The following ADCY7 variants were observed in gnomAD, a reference collection of about 807,000 sequenced individuals.
ADCY7 encodes adenylate cyclase 7.
Under a neutral mutation model 120.6 loss-of-function variants are expected in ADCY7, and 72 were observed. The observed-to-expected ratio is 0.60, with a 90% CI of 0.49 to 0.73. The LOEUF is 0.73. ADCY7 is among the 30% of genes least tolerant of loss of function. The pLI is 0.00. For synonymous variants in ADCY7, 661 were observed against 628.0 expected, an observed-to-expected ratio of 1.05 and a Z score of -0.78; for missense variants, 1,227 against 1,486.0, an observed-to-expected ratio of 0.83 and a Z score of 2.87.
rs753748050 is a variant in ADCY7, at chr16:50,314,273, C to T, written c.2857-19C>T. On this transcript the variant is annotated intron_variant, in intron 23 of 25. Transcript: ENST00000673801. ...GGGCTCTGGAGATGCAAGGATCTGA[C>T]CCACAGCCTGTCCCGCAGGAGCTGG... 2.8e-5 allele frequency: 45 copies of T among 1,610,566 alleles called. No homozygotes were observed. The highest frequency in any genetic ancestry group is 3.8e-5 in the Non-Finnish European group (45 of 1,177,082).
In ADCY7 at chr16:50,308,427, TGGCCCCGCGGGCCCTCCC is replaced by T. The variant is rs2036225177; in HGVS notation, c.1935+17_1935+34del. ...CAAGTTCTCGGTAAGTGGGGAGCTC[TGGCCCCGCGGGCCCTCCC>T]TCCCTGCCTCAGGACACCTGCCTAG... is the stretch of plus-strand genomic sequence containing the variant. On this transcript the variant is annotated intron_variant, in intron 16 of 25. Transcript: ENST00000673801. 1 of 1,613,892 alleles carries T rather than the reference TGGCCCCGCGGGCCCTCCC, an allele frequency of 6.2e-7. No homozygotes were observed. The highest frequency in any genetic ancestry group is 8.5e-7 in the Non-Finnish European group (1 of 1,180,020).
Position 50,300,948 on chromosome 16 carries a change from TG to T in ADCY7, c.1235+80del. ...GGATGGAGGGTTCTGCGGTTGGGGGTGGGGGTCAGGTGTGGAGGGAGAGATG... is the reference window on the plus strand; with the variant it reads ...GGATGGAGGGTTCTGCGGTTGGGGGTGGGGTCAGGTGTGGAGGGAGAGATG... On this transcript the variant is annotated intron_variant, in intron 9 of 25. Transcript: ENST00000673801. 1.3e-6 allele frequency: 2 copies of T among 1,530,416 alleles called. 1 individual carries two copies. The allele number at this position is 1,530,416 out of a possible 1,614,324, so 94.8% of individuals were successfully genotyped here. A position where few individuals can be genotyped will look rare whatever the true frequency, so the allele number is the denominator to read the frequency against.
chr16:50,282,531 C>T (rs2034336582), intron 1 of ADCY7, among the ~76,000 whole-genome samples: 1 of 152,156 alleles, frequency 6.6e-6, no homozygotes, highest in African/African-American at 2.4e-5. Context: ...CCTGAACTTG[C>T]TCCTGCAAGG....
chr16:50,304,559 C>T lies in ADCY7; in HGVS notation c.1560+8C>T. 6.6e-7 allele frequency: 1 copy of T among 1,523,706 alleles called. No homozygotes were observed. Among genetic ancestry groups the T allele is most frequent in the Non-Finnish European group, 8.8e-7 (1 of 1,134,424 alleles). 94.4% of individuals were successfully genotyped at this position (1,523,706 alleles called of 1,614,324 possible). ...AACGGGCGGAGGCCTAAGGTAGGTC[C>T]CCCTCCCACCCAGAAAGCCAGGGAT... On this transcript the variant is annotated splice_region_variant and intron_variant, in intron 11 of 25. Transcript: ENST00000673801.
chr16:50,313,457 G>A (rs1393551591), intron 22 of ADCY7: 3 of 184,056 alleles, frequency 1.6e-5, no homozygotes, highest in Non-Finnish European at 2.3e-5. Context: ...GACGTGGCCC[G>A]CCTGGGGGGA....
chr16:50,298,004 C>A (rs867507464), intron 7 of ADCY7, among the ~76,000 whole-genome samples: 2 of 151,988 alleles, frequency 1.3e-5, no homozygotes, highest in Non-Finnish European at 2.9e-5. Context: ...GGTGACGCAG[C>A]AGTGCCTCAG....
chr16:50,314,959 G>A, intron 24 of ADCY7, 55 bp from the exon 25 acceptor site: 3 of 1,606,128 alleles, frequency 1.9e-6, no homozygotes, highest in African/African-American at 2.7e-5. Flanking sequence ...TCCTCTAAGG[G>A]CAGAAGCTTG....
rs1287151424 is a variant in ADCY7, at chr16:50,290,525, T to C, written c.240T>C (p.Ser80=). 2.5e-6 allele frequency: 4 copies of C among 1,614,248 alleles called. No individual in the cohort carries two copies. Among genetic ancestry groups the C allele is most frequent in the Non-Finnish European group, 3.4e-6 (4 of 1,180,052 alleles). Residue 80 remains serine, a synonymous_variant, in exon 3 of 26, where the codon TCT becomes TCC. Coordinates refer to ENST00000673801, the MANE Select transcript of ADCY7 (RefSeq NM_001114.5). ...TGCTGGCGGTGTTTGCGGCCCTCTCTGTGCTGATGTACGTCGAGTGTCTCC... is the reference window on the plus strand; with the variant it reads ...TGCTGGCGGTGTTTGCGGCCCTCTCCGTGCTGATGTACGTCGAGTGTCTCC... The part of the protein sequence containing the change: ...FLVLAVFAAL[S]VLMYVECLLR...
At chr16:50,306,866 C>T (rs1198740557) in intron 14 of ADCY7, among the ~76,000 whole-genome samples, 184 bp from the exon 15 acceptor site, 1 of 152,184 alleles carries the variant, frequency 6.6e-6, no homozygotes, top group Non-Finnish European at 1.5e-5. Flanking sequence ...CACTATGTTG[C>T]CCAGGCTGGT....
At chr16:50,264,413 A>C (rs2033135324), upstream of ADCY7, among the ~76,000 whole-genome samples, 1 of 152,218 alleles carries the variant, frequency 6.6e-6, no homozygotes, top group Non-Finnish European at 1.5e-5. Flanking sequence ...GTTAGGATGA[A>C]AGCTTCTCTG....
At position 50,315,543 on chromosome 16, in the gene ADCY7, T is replaced by C; in HGVS notation, c.*38T>C. The C allele has an allele frequency of 6.3e-7, 1 of 1,592,668 alleles. No individual in the cohort carries two copies. Among genetic ancestry groups the C allele is most frequent in the Non-Finnish European group, 8.6e-7 (1 of 1,162,504 alleles). ...GATTCCGAAAAGGCCGGGAAGCCAG[T>C]CTCCTTCCCTGAAGCAAGCCCAGGA... is the stretch of plus-strand genomic sequence containing the variant. On this transcript the variant is annotated 3_prime_UTR_variant, in exon 26 of 26. Transcript: ENST00000673801.
At chr16:50,266,175 G>A (rs932847431), upstream of ADCY7, among the ~76,000 whole-genome samples, 5 of 152,338 alleles carry the variant, frequency 3.3e-5, no homozygotes, top group African/African-American at 1.2e-4. Context: ...GAAGGCGCGG[G>A]GGGCCTGTCT....
At chr16:50,315,162 T>C (rs780803698) in intron 25 of ADCY7, 24 bp downstream of exon 25, 8 of 1,613,084 alleles carry the variant, frequency 5.0e-6, no homozygotes, top group South Asian at 3.3e-5. Context: ...GGGGAAGCAG[T>C]TGACTAAGGG....
At chr16:50,283,628 G>A (rs1484409139) in intron 1 of ADCY7, among the ~76,000 whole-genome samples, 1 of 152,230 alleles carries the variant, frequency 6.6e-6, no homozygotes. Flanking sequence ...CTTCCCCACA[G>A]GGGAGTCCCC....
chr16:50,306,349 C>T (rs2036066870), intron 14 of ADCY7, among the ~76,000 whole-genome samples: 1 of 152,212 alleles, frequency 6.6e-6, no homozygotes. Context: ...TGCTATACCA[C>T]TTCACAGAGA....
In ADCY7 at chr16:50,311,769, C is replaced by T; in HGVS notation, c.2431C>T (p.Leu811Phe). Residue 811 changes from leucine to phenylalanine, a missense_variant, in exon 20 of 26, where the codon CTT becomes TTT. Physicochemically the swap from Leu to Phe is conservative, Grantham distance 22 (BLOSUM62 0). This residue lies in a region of ADCY7 where 267 missense variants were observed against 270.0 expected (regional missense o/e 0.99). Transcript: ENST00000673801. ...CCTGGTCCTGTTCTACATCACCCTG[C>T]TTACACTCTCCAGACAGGTAAGGAG... ...FYLVLFYITLLTLSRQIDYYC... is the reference protein window; with the variant it reads ...FYLVLFYITLFTLSRQIDYYC... 6.6e-7 allele frequency: 1 copy of T among 1,509,494 alleles called. No individual in the cohort carries two copies. Among genetic ancestry groups the T allele is most frequent in the Non-Finnish European group, 9.1e-7 (1 of 1,104,788 alleles). The allele number at this position is 1,509,494 out of a possible 1,614,324, so 93.5% of individuals were successfully genotyped here. A position where few individuals can be genotyped will look rare whatever the true frequency, so the allele number is the denominator to read the frequency against.
Position 50,301,109 on chromosome 16 carries a change from A to G in ADCY7, c.1263A>G (p.Leu421=). The G allele has an allele frequency of 3.7e-6, 6 of 1,613,922 alleles. No individual in the cohort carries two copies. Among genetic ancestry groups the G allele is most frequent in the Non-Finnish European group, 5.1e-6 (6 of 1,179,928 alleles). ...PGRVHITEAT[L]KHLDKAYEVE... is the part of the protein sequence containing the mutation. ...GGGTGCACATCACGGAGGCCACGCT[A>G]AAGCACCTGGACAAGGCGTACGAGG... The change falls in exon 10 of 26, where the codon CTA becomes CTG. Residue 421 remains leucine, a synonymous_variant. Coordinates refer to ENST00000673801, the MANE Select transcript of ADCY7 (RefSeq NM_001114.5).
At chr16:50,313,460 TG>T (rs1453977903) in intron 22 of ADCY7, 1 of 185,168 alleles carries the variant, frequency 5.4e-6, no homozygotes, top group South Asian at 1.2e-4. Flanking sequence ...GTGGCCCGCC[TG>T]GGGGGAACAT....
At chr16:50,279,884 C>T (rs183403604) in intron 1 of ADCY7, among the ~76,000 whole-genome samples, 3 of 152,228 alleles carry the variant, frequency 2.0e-5, no homozygotes, top group East Asian at 3.9e-4. Flanking sequence ...ATTTCAGGAA[C>T]AAAGAACACT....
Sources: allele counts gnomAD v4.1 joint callset (sites outside exome capture counted in the v4.1 genomes callset), GRCh38; gene constraint gnomAD v4.1.1; regional missense constraint gnomAD v4.1.1; transcripts MANE v1.5; gene names NCBI Gene and HGNC (gene_info 2026-07-23, HGNC 2026-07-21).